The following BRF1 variants were observed in gnomAD, a reference collection of about 807,000 sequenced individuals.
The protein encoded by BRF1 is transcription factor IIIB 90 kDa subunit.
In BRF1, 59 loss-of-function variants were observed where a neutral mutation model predicts 81.7. The observed-to-expected ratio is 0.72, with a 90% confidence interval of 0.59 to 0.90. The LOEUF (loss-of-function observed/expected upper bound fraction) is 0.90, where lower values mean the gene tolerates loss of function less well. Ranked by LOEUF, BRF1 falls within the 40% of genes least tolerant of loss-of-function variation. The pLI, the probability that BRF1 is intolerant of heterozygous loss-of-function variation, is 0.00. For missense variants in BRF1, 1,050 were observed against 936.3 expected (o/e 1.12, Z -1.58); for synonymous variants, 491 against 395.6 (o/e 1.24, Z -2.86).
At position 105,214,501 on chromosome 14, in the gene BRF1, A is replaced by AGCTGCCCACACCCCTGCG. The variant is rs1566795230; in HGVS notation, c.1773-2338_1773-2337insCGCAGGGGTGTGGGCAGC. On this transcript the variant is annotated intron_variant, in intron 15 of 17. Coordinates refer to ENST00000547530, the MANE Select transcript of BRF1 (RefSeq NM_001519.4). ...GTGGCTCAGCTGCCCACACCCCTGC[A>AGCTGCCCACACCCCTGCG]TGGCTCAGCTGCCCACACCCCTGCG... is the stretch of plus-strand genomic sequence containing the variant. 3.3e-3 allele frequency among the ~76,000 whole-genome samples: 125 copies of AGCTGCCCACACCCCTGCG among 37,752 alleles called. 12 individuals carry two copies. The highest frequency in any genetic ancestry group is 0.012 in the African/African-American group (101 of 8,136). The allele number at this position is 37,752 out of a possible 152,430, so 24.8% of individuals were successfully genotyped here.
intron 1 of BRF1, 66 bp downstream of exon 1, chr14:105,300,380 G>C: frequency 1.4e-6 from 2 of 1,391,322 alleles, no homozygotes; most frequent in Admixed American, 6.1e-5. Flanking sequence ...CGGCCGCGCC[G>C]TCACCGCCTC....
rs587599051 is a variant in BRF1, at chr14:105,269,991, G to C, written c.439+2730C>G. ...AGGATCGGAGCAGGCCTCTCAGTGG[G>C]ACCCCAGGGTGGAGCCGGGGCAAGC... On this transcript the variant is annotated intron_variant, in intron 3 of 17. Transcript: ENST00000547530. The surrounding 1 kb of genome is among the most constrained non-coding windows in gnomAD (Gnocchi z 5.0). Among the ~76,000 whole-genome samples, 60 of 152,234 alleles carry C rather than the reference G, an allele frequency of 3.9e-4. 1 individual carries two copies. In the Middle Eastern group the frequency reaches 0.024, roughly 60 times the overall value.
At chr14:105,280,294 T>C (rs1398172135) in intron 2 of BRF1, among the ~76,000 whole-genome samples, 1 of 152,220 alleles carries the variant, frequency 6.6e-6, no homozygotes, top group African/African-American at 2.4e-5. Flanking sequence ...AGAGAAAGGA[T>C]GCACAGTGTG....
At chr14:105,279,851 T>G (rs2140438578) in intron 2 of BRF1, among the ~76,000 whole-genome samples, 1 of 152,292 alleles carries the variant, frequency 6.6e-6, no homozygotes, top group South Asian at 2.1e-4. Flanking sequence ...ATTCATCCCA[T>G]GAAATACTAC....
intron 2 of BRF1, among the ~76,000 whole-genome samples, chr14:105,275,735 C>A (rs2056855435): frequency 6.6e-6 from 1 of 152,266 alleles, no homozygotes; most frequent in African/African-American, 2.4e-5. Flanking sequence ...GTCAGAATGT[C>A]TGACTCCTAA....
At position 105,315,109 on chromosome 14, in the gene BRF1, G is replaced by T; in HGVS notation, c.-162+213C>A. ...GGTGTCCTGGCCGCGGCCTCTGCGC[G>T]CCCCATCCCCGGCCCGGGTCCCCCA... On this transcript the variant is annotated intron_variant, in intron 1 of 17. Transcript: ENST00000327359. The surrounding 1 kb of genome is among the most constrained non-coding windows in gnomAD (Gnocchi z 4.4). 1.0e-6 allele frequency: 1 copy of T among 954,970 alleles called. No homozygotes were observed. The highest frequency in any genetic ancestry group is 1.3e-6 in the Non-Finnish European group (1 of 788,890). The allele number at this position is 954,970 out of a possible 1,614,324, so 59.2% of individuals were successfully genotyped here.
At chr14:105,247,745 G>T (rs2055218617) in intron 5 of BRF1, 1 of 985,390 alleles carries the variant, frequency 1.0e-6, no homozygotes, top group Non-Finnish European at 1.2e-6. Flanking sequence ...TGTGTCCTCG[G>T]GGAGGAACCC....
chr14:105,297,494 C>T (rs587769679), intron 1 of BRF1, among the ~76,000 whole-genome samples: 5 of 152,050 alleles, frequency 3.3e-5, no homozygotes, highest in Non-Finnish European at 5.9e-5. Context: ...CACTTGAACT[C>T]GGGAGGCGGA....
rs587652782 is a variant in BRF1 at position 105,269,961 on chromosome 14, A to G, written c.439+2760T>C. 6.6e-6 allele frequency among the ~76,000 whole-genome samples: 1 copy of G among 152,168 alleles called. No homozygotes were observed. Among genetic ancestry groups the G allele is most frequent in the African/African-American group, 2.4e-5 (1 of 41,538 alleles). On this transcript the variant is annotated intron_variant, in intron 3 of 17. Coordinates refer to ENST00000547530, the MANE Select transcript of BRF1 (RefSeq NM_001519.4). This position sits in a 1 kb window ranked among gnomAD's most constrained non-coding sequence, Gnocchi z 5.0. ...CTCAGGACCTTGGTCTGCTTCTAAG[A>G]GAGCAGGATCGGAGCAGGCCTCTCA... is the stretch of plus-strand genomic sequence containing the variant.
At chr14:105,249,892 G>A in intron 5 of BRF1, 1 of 1,611,566 alleles carries the variant, frequency 6.2e-7, no homozygotes, top group East Asian at 2.2e-5. Context: ...GCTTCTGTGA[G>A]ATAGACCGGC....
chr14:105,280,575 G>A (rs1294259675), intron 2 of BRF1, among the ~76,000 whole-genome samples: 19 of 151,528 alleles, frequency 1.3e-4, no homozygotes, highest in East Asian at 2.0e-4. Context: ...TCCTGAGCCC[G>A]CGTGCGCAGG....
chr14:105,229,350 A>C (rs1356863047), intron 6 of BRF1, among the ~76,000 whole-genome samples: 5 of 152,224 alleles, frequency 3.3e-5, no homozygotes, highest in African/African-American at 9.6e-5. Context: ...TCCAGTGCAA[A>C]CATGGAGATC....
rs1889826422 is a variant in BRF1, at chr14:105,209,415, C to T, written c.*1136G>A. 2 of 669,462 alleles carry T rather than the reference C, an allele frequency of 3.0e-6. No individual in the cohort carries two copies. The highest frequency in any genetic ancestry group is 1.6e-5 in the South Asian group (1 of 63,762). The allele number at this position is 669,462 out of a possible 1,614,324, so 41.5% of individuals were successfully genotyped here. On this transcript the variant is annotated 3_prime_UTR_variant, in exon 18 of 18. Coordinates refer to ENST00000547530, the MANE Select transcript of BRF1 (RefSeq NM_001519.4). ...GGGGGTAGGGGGGTCTGGCCTGCTG[C>T]GGGCCAAGTTGGGGCAGGACATACA...
In BRF1 at chr14:105,258,110, T is replaced by C. The variant is rs146848529; in HGVS notation, c.440-1561A>G. The stretch of plus-strand genomic sequence containing the variant: ...CAGCTAACACAAGATGTTAATAACA[T>C]AGGGAAATTGGGGATTGAAGGGGGT... On this transcript the variant is annotated intron_variant, in intron 3 of 17. Transcript: ENST00000547530. Among the ~76,000 whole-genome samples, 159 of 152,278 alleles carry C rather than the reference T, an allele frequency of 1.0e-3. No homozygotes were observed. The East Asian group carries it at 0.014, about 13-fold the overall frequency.
At chr14:105,260,748 G>A (rs755360066) in intron 3 of BRF1, among the ~76,000 whole-genome samples, 53 of 152,210 alleles carry the variant, frequency 3.5e-4, no homozygotes, top group Non-Finnish European at 6.0e-4. Flanking sequence ...AACATTTAAC[G>A]AAGTTAGAAT....
chr14:105,241,597 C>T (rs931450159), intron 5 of BRF1, 183 bp from the exon 6 acceptor site: 20 of 766,272 alleles, frequency 2.6e-5, no homozygotes, highest in Non-Finnish European at 3.5e-5. Context: ...TCGCACCGAA[C>T]CCAGGAGAGC....
intron 17 of BRF1, 91 bp downstream of exon 17, chr14:105,211,031 A>G: frequency 3.9e-6 from 6 of 1,522,832 alleles, no homozygotes; most frequent in South Asian, 1.2e-5. Context: ...TTTAGTTTGA[A>G]GCTAACAGGC....
At chr14:105,223,310 G>A (rs11622579) in intron 10 of BRF1, among the ~76,000 whole-genome samples, 41,763 of 152,074 alleles carry the variant, frequency 0.27, 6,154 homozygotes, top group African/African-American at 0.34. Context: ...GAGTGTTCAC[G>A]AGCGCATCTG....
intron 5 of BRF1, chr14:105,249,312 C>T (rs745330704): frequency 1.3e-6 from 2 of 1,589,554 alleles, no homozygotes; most frequent in African/African-American, 1.3e-5. Flanking sequence ...GTGGCTGACA[C>T]GCAGCCTGCG....
Sources: gnomAD v4.1 joint callset for allele counts (sites outside exome capture counted in the v4.1 genomes callset) on GRCh38, gnomAD v4.1.1 for gene constraint, Gnocchi (gnomAD v3.1) non-coding constraint, MANE v1.5 for transcripts, NCBI Gene and HGNC (gene_info 2026-07-23, HGNC 2026-07-21) for gene names.